The following DYSF variants were observed in gnomAD, a reference collection of about 807,000 sequenced individuals.
DYSF encodes dystrophy-associated fer-1-like 1.
A neutral mutation model predicts 274.9 loss-of-function variants in DYSF; 212 were observed. The observed-to-expected ratio is 0.77, with a 90% CI of 0.69 to 0.86. The LOEUF (loss-of-function observed/expected upper bound fraction) is 0.86, where lower values mean the gene tolerates loss of function less well. DYSF is among the 40% of genes least tolerant of loss of function. The probability of loss-of-function intolerance (pLI) is 0.00; values close to 1 mark genes in which losing one functional copy is unlikely to be tolerated. For missense variants in DYSF, 2,666 were observed against 2,783.2 expected, an observed-to-expected ratio of 0.96 and a Z score of 0.95; for synonymous variants, 1,091 against 1,078.7, an observed-to-expected ratio of 1.01 and a Z score of -0.22.
At position 71,536,065 on chromosome 2, in the gene DYSF, A is replaced by T. The variant is rs566722578; in HGVS notation, c.1493+754A>T. On this transcript the variant is annotated intron_variant, in intron 16 of 55. Transcript: ENST00000410020. ...GCTGTTTCCAAAGCCTGCGTTCCTAACCACTAGTCCATGCCACCTCCTGCT... is the reference window on the plus strand; with the variant it reads ...GCTGTTTCCAAAGCCTGCGTTCCTATCCACTAGTCCATGCCACCTCCTGCT... 1.9e-3 allele frequency among the ~76,000 whole-genome samples: 290 copies of T among 152,172 alleles called. 1 individual carries two copies. Among genetic ancestry groups the T allele is most frequent in the African/African-American group, 6.2e-3 (256 of 41,506 alleles).
rs764251007 is a variant in DYSF, at chr2:71,535,308, AC to A, written c.1491del (p.Trp498GlyfsTer4). The part of the protein sequence containing the change: ...MCEKMRIRII[D>X]WDRLTHNDIV... ...GAAAAAATGAGGATTCGTATCATAG[AC>A]TGGTGAGTTCTGAGTCTTGGAGTCT... is the stretch of plus-strand genomic sequence containing the variant. On this transcript the variant is annotated frameshift_variant and splice_region_variant, in exon 16 of 56. Transcript: ENST00000410020. LOFTEE classifies it high-confidence loss of function. The A allele has an allele frequency of 8.1e-6, 13 of 1,614,098 alleles. No homozygotes were observed. Among genetic ancestry groups the A allele is most frequent in the Non-Finnish European group, 1.1e-5 (13 of 1,179,994 alleles).
intron 3 of DYSF, among the ~76,000 whole-genome samples, chr2:71,501,980 C>A (rs2085018245): frequency 1.3e-5 from 2 of 152,030 alleles, no homozygotes; most frequent in Non-Finnish European, 2.9e-5. Context: ...TATGCTGTTT[C>A]CCACAGTGGC....
chr2:71,516,121 C>A, intron 8 of DYSF, 59 bp from the exon 9 acceptor site: 1 of 1,556,896 alleles, frequency 6.4e-7, no homozygotes, highest in East Asian at 2.2e-5. Context: ...GGTCCTCCCT[C>A]TCCCTGGCCT....
chr2:71,618,779 TTG>T (rs1287591763), intron 40 of DYSF, among the ~76,000 whole-genome samples: 2 of 151,164 alleles, frequency 1.3e-5, no homozygotes, highest in Non-Finnish European at 3.0e-5. Context: ...AGTGTGTTTT[TTG>T]TGTGTGTGGT....
At chr2:71,673,607 G>T (rs1333271392) in intron 51 of DYSF, among the ~76,000 whole-genome samples, 3 of 152,062 alleles carry the variant, frequency 2.0e-5, no homozygotes, top group Non-Finnish European at 2.9e-5. Context: ...GTCCCTCAGG[G>T]TCTCAGTTAC....
At chr2:71,664,060 A>C (rs1212146891) in intron 45 of DYSF, among the ~76,000 whole-genome samples, 1 of 152,168 alleles carries the variant, frequency 6.6e-6, no homozygotes, top group Admixed American at 6.5e-5. Flanking sequence ...TATGCCCAGC[A>C]CAGTTTATTT....
At chr2:71,490,416 T>C (rs989634633) in intron 3 of DYSF, among the ~76,000 whole-genome samples, 1 of 152,210 alleles carries the variant, frequency 6.6e-6, no homozygotes, top group Non-Finnish European at 1.5e-5. Context: ...CTCAGCTCAC[T>C]GCAACCTCCG....
At chr2:71,670,652 A>C (rs1454624285) in intron 51 of DYSF, among the ~76,000 whole-genome samples, 1 of 152,184 alleles carries the variant, frequency 6.6e-6, no homozygotes, top group Non-Finnish European at 1.5e-5. Context: ...GTGTCTCAGC[A>C]TCTGCTAGTT....
At chr2:71,596,052 G>C (rs1453216031) in intron 32 of DYSF, among the ~76,000 whole-genome samples, 1 of 150,564 alleles carries the variant, frequency 6.6e-6, no homozygotes, top group Non-Finnish European at 1.5e-5. Flanking sequence ...GAGAGGCCAG[G>C]CCCCTGCACA....
intron 41 of DYSF, among the ~76,000 whole-genome samples, chr2:71,621,637 T>TAAC (rs1262992134): frequency 6.6e-6 from 1 of 150,680 alleles, no homozygotes; most frequent in African/African-American, 2.4e-5. Context: ...ATATAATATA[T>TAAC]GTATAATATG....
At chr2:71,560,594 C>A (rs911275888) in intron 22 of DYSF, among the ~76,000 whole-genome samples, 1 of 152,192 alleles carries the variant, frequency 6.6e-6, no homozygotes, top group African/African-American at 2.4e-5. Context: ...TACTGCTCCC[C>A]CCATCCTAAA....
At chr2:71,637,246 G>A (rs578163984) in intron 41 of DYSF, among the ~76,000 whole-genome samples, 2 of 152,236 alleles carry the variant, frequency 1.3e-5, no homozygotes, top group Admixed American at 6.5e-5. Flanking sequence ...AGGAGAGGGT[G>A]AGGAGAGTCA....
intron 36 of DYSF, among the ~76,000 whole-genome samples, chr2:71,605,271 C>T (rs558145281): frequency 1.3e-5 from 2 of 152,290 alleles, no homozygotes; most frequent in African/African-American, 2.4e-5. Context: ...TCCTTTTTGT[C>T]TGGAGAACAA....
chr2:71,648,586 C>A (rs566026305), intron 42 of DYSF, among the ~76,000 whole-genome samples: 30 of 151,866 alleles, frequency 2.0e-4, no homozygotes, highest in Non-Finnish European at 3.8e-4. Flanking sequence ...TAAAACCTTA[C>A]GGAAATGAAA....
chr2:71,490,215 A>AC (rs1470912804), intron 3 of DYSF, among the ~76,000 whole-genome samples: 2 of 152,238 alleles, frequency 1.3e-5, no homozygotes, highest in Non-Finnish European at 2.9e-5. Flanking sequence ...AGTAATTTTT[A>AC]TAAGTATAAA....
At chr2:71,633,587 T>C (rs1034528332) in intron 41 of DYSF, among the ~76,000 whole-genome samples, 7 of 152,182 alleles carry the variant, frequency 4.6e-5, no homozygotes, top group Non-Finnish European at 7.4e-5. Context: ...ACTATCTTGA[T>C]GATGATGATT....
Position 71,549,521 on chromosome 2 carries a change from A to C in DYSF, c.1577-1520A>C, listed in dbSNP as rs2090769386. On this transcript the variant is annotated intron_variant, in intron 17 of 55. Coordinates refer to ENST00000410020, the MANE Select transcript of DYSF (RefSeq NM_001130987.2). ...GGATTGAGATTCCCCCACAAAGGTA[A>C]GTCCCTGGACTTACCTTTGCTGTCA... The C allele has an allele frequency of 4.4e-6, 4 of 908,160 alleles. No homozygotes were observed. The South Asian group carries it at 5.8e-5, about 13-fold the overall frequency. The allele number at this position is 908,160 out of a possible 1,614,324, so 56.3% of individuals were successfully genotyped here.
At chr2:71,507,806 T>A (rs1256391810) in intron 4 of DYSF, among the ~76,000 whole-genome samples, 1 of 152,244 alleles carries the variant, frequency 6.6e-6, no homozygotes, top group African/African-American at 2.4e-5. Flanking sequence ...AAGGGCCTCA[T>A]GCTTGGCTTA....
chr2:71,620,596 C>T lies in DYSF; in HGVS notation c.4514C>T (p.Pro1505Leu), dbSNP rs1386443785. ...SLAPTNTASP[P>L]SSPHEEEFID... is the part of the protein sequence containing the mutation. ...GCCCCCACTAACACGGCTTCTCCTC[C>T]ATCCAGTCCTCATGTATGTACTGTT... The change falls in exon 41 of 56, where the codon CCA becomes CTA. Residue 1505 changes from proline to leucine, a missense_variant. Coordinates refer to ENST00000410020, the MANE Select transcript of DYSF (RefSeq NM_001130987.2). The T allele has an allele frequency of 1.3e-6, 2 of 1,549,562 alleles. No homozygotes were observed. Among genetic ancestry groups the T allele is most frequent in the African/African-American group, 1.4e-5 (1 of 73,054 alleles).
Sources: allele counts gnomAD v4.1 joint callset (sites outside exome capture counted in the v4.1 genomes callset), GRCh38; gene constraint gnomAD v4.1.1; transcripts MANE v1.5; gene names NCBI Gene and HGNC (gene_info 2026-07-23, HGNC 2026-07-21).